Variants in TCAIM observed in about 807,000 individuals in gnomAD.
TCAIM encodes T-cell activation inhibitor, mitochondrial.
In TCAIM, 36 loss-of-function variants were observed where a neutral mutation model predicts 58.6. The ratio of observed to expected loss-of-function variants is 0.61; its 90% confidence interval spans 0.47 to 0.81. The LOEUF is 0.81. Ranked by LOEUF, TCAIM falls within the 30% of genes least tolerant of loss-of-function variation. The probability of loss-of-function intolerance (pLI) is 0.00; values close to 1 mark genes in which losing one functional copy is unlikely to be tolerated. For missense variants in TCAIM, 466 were observed against 579.6 expected (o/e 0.80, Z 2.01); for synonymous variants, 172 against 193.6 (o/e 0.89, Z 0.93).
intron 4 of TCAIM, among the ~76,000 whole-genome samples, chr3:44,361,823 G>T (rs1701300375): frequency 6.6e-6 from 1 of 152,132 alleles, no homozygotes; most frequent in African/African-American, 2.4e-5. Context: ...ACTACAGCTT[G>T]CATTCTCTTA....
At chr3:44,401,052 G>A in intron 9 of TCAIM, 151 bp from the exon 10 acceptor site, 5 of 1,110,266 alleles carry the variant, frequency 4.5e-6, no homozygotes, top group Admixed American at 5.7e-5. Context: ...GTCTTTGGGG[G>A]CAGCAAAGCT....
At chr3:44,346,428 G>C (rs753623666) in intron 1 of TCAIM, among the ~76,000 whole-genome samples, 1 of 152,168 alleles carries the variant, frequency 6.6e-6, no homozygotes, top group Non-Finnish European at 1.5e-5. Flanking sequence ...AGGTATTTTA[G>C]TTTCCTGACT....
intron 6 of TCAIM, 36 bp from the exon 7 acceptor site, chr3:44,396,364 C>T (rs1189123920): frequency 6.3e-7 from 1 of 1,582,128 alleles, no homozygotes; most frequent in Non-Finnish European, 8.6e-7. Flanking sequence ...TTCAGGGTGC[C>T]ACTTGTTAAC....
chr3:44,353,032 C>T (rs1330028085), intron 1 of TCAIM, among the ~76,000 whole-genome samples: 1 of 150,258 alleles, frequency 6.7e-6, no homozygotes, highest in Admixed American at 6.7e-5. Flanking sequence ...AAGCAATTCT[C>T]CTGCCTCAGC....
intron 5 of TCAIM, among the ~76,000 whole-genome samples, chr3:44,376,875 T>A (rs1053021551): frequency 6.6e-6 from 1 of 152,144 alleles, no homozygotes; most frequent in Non-Finnish European, 1.5e-5. Context: ...GATCACGAGG[T>A]CAGGAGATTG....
chr3:44,376,945 C>T (rs1275273063), intron 5 of TCAIM, among the ~76,000 whole-genome samples: 1 of 152,144 alleles, frequency 6.6e-6, no homozygotes, highest in Non-Finnish European at 1.5e-5. Flanking sequence ...AAAAAATTAG[C>T]TGGGCATGGT....
Position 44,408,169 on chromosome 3 carries a change from A to G in TCAIM, c.*487A>G, listed in dbSNP as rs1055742594. On this transcript the variant is annotated 3_prime_UTR_variant, in exon 11 of 11. Coordinates refer to ENST00000342649, the MANE Select transcript of TCAIM (RefSeq NM_173826.4). ...TTCTACAATAGTCATATATTTTTAT[A>G]TGAATGAATGTTGGGTTGGGCTGGA... The G allele has an allele frequency of 1.3e-5, 2 of 152,378 alleles. No homozygotes were observed. Among genetic ancestry groups the G allele is most frequent in the South Asian group, 4.1e-4 (2 of 4,840 alleles). 9.4% of individuals were successfully genotyped at this position (152,378 alleles called of 1,614,324 possible).
At chr3:44,351,258 G>T (rs545493378) in intron 1 of TCAIM, among the ~76,000 whole-genome samples, 3 of 152,128 alleles carry the variant, frequency 2.0e-5, no homozygotes, top group South Asian at 4.2e-4. Flanking sequence ...CAAAGTGCTG[G>T]GGACCCAAGG....
At chr3:44,387,578 C>T (rs1029346929) in intron 5 of TCAIM, among the ~76,000 whole-genome samples, 2 of 152,238 alleles carry the variant, frequency 1.3e-5, no homozygotes, top group Non-Finnish European at 1.5e-5. Context: ...TGGGTTTGCC[C>T]GCTCTCCACT....
At chr3:44,371,332 A>T (rs1010309870) in intron 5 of TCAIM, among the ~76,000 whole-genome samples, 1 of 152,274 alleles carries the variant, frequency 6.6e-6, no homozygotes, top group South Asian at 2.1e-4. Flanking sequence ...TGCTGGGATT[A>T]CAGACATGAG....
intron 5 of TCAIM, among the ~76,000 whole-genome samples, chr3:44,376,166 G>C (rs1044372526): frequency 2.6e-5 from 4 of 152,198 alleles, no homozygotes; most frequent in African/African-American, 7.2e-5. Flanking sequence ...GGTAGGGCTG[G>C]AGAGCAGGAC....
chr3:44,356,245 G>C (rs1701187934), intron 2 of TCAIM, among the ~76,000 whole-genome samples: 1 of 152,190 alleles, frequency 6.6e-6, no homozygotes, highest in Non-Finnish European at 1.5e-5. Flanking sequence ...GCTTAGGTTG[G>C]GCCAGGCACA....
intron 1 of TCAIM, among the ~76,000 whole-genome samples, chr3:44,342,369 T>A (rs1298055730): frequency 1.3e-5 from 2 of 152,084 alleles, no homozygotes; most frequent in Non-Finnish European, 2.9e-5. Context: ...AAAGTAACAG[T>A]TTGTGGAGAA....
At chr3:44,374,261 T>A (rs1211758010) in intron 5 of TCAIM, among the ~76,000 whole-genome samples, 1 of 151,452 alleles carries the variant, frequency 6.6e-6, no homozygotes, top group Non-Finnish European at 1.5e-5. Context: ...GACTCAGGAC[T>A]AGCAAAGTTG....
At chr3:44,361,662 A>C in intron 4 of TCAIM, 144 bp downstream of exon 4, 2 of 909,010 alleles carry the variant, frequency 2.2e-6, no homozygotes, top group South Asian at 5.6e-5. Flanking sequence ...CTAGAATTAG[A>C]TTCTATTCCT....
At chr3:44,401,735 C>A (rs59001640) in intron 10 of TCAIM, among the ~76,000 whole-genome samples, 22,414 of 152,160 alleles carry the variant, frequency 0.15, 1,698 homozygotes, top group Admixed American at 0.17. Flanking sequence ...ACTTAAAGTA[C>A]AAAACTCATC....
intron 10 of TCAIM, 46 bp downstream of exon 10, chr3:44,401,380 T>G: frequency 6.2e-7 from 1 of 1,608,072 alleles, no homozygotes; most frequent in Non-Finnish European, 8.5e-7. Context: ...TCAGTCTAAC[T>G]GAAAACCTCA....
At chr3:44,364,168 C>T (rs1424366574) in intron 4 of TCAIM, among the ~76,000 whole-genome samples, 3 of 151,128 alleles carry the variant, frequency 2.0e-5, no homozygotes, top group African/African-American at 4.9e-5. Flanking sequence ...ACCCCGTGAT[C>T]CGCCCACCTC....
chr3:44,404,017 A>C (rs1702061855), intron 10 of TCAIM, among the ~76,000 whole-genome samples: 1 of 152,060 alleles, frequency 6.6e-6, no homozygotes, highest in Non-Finnish European at 1.5e-5. Flanking sequence ...CTCTCAGCTC[A>C]GCTCCTGGGA....
Sources: gnomAD v4.1 joint callset for allele counts (sites outside exome capture counted in the v4.1 genomes callset) on GRCh38, gnomAD v4.1.1 for gene constraint, MANE v1.5 for transcripts, NCBI Gene and HGNC (gene_info 2026-07-23, HGNC 2026-07-21) for gene names.